Variants in NKAIN3 observed in about 807,000 individuals in gnomAD.
NKAIN3 encodes the protein sodium/potassium transporting ATPase interacting 3, also known as sodium/potassium-transporting ATPase subunit beta-1-interacting protein 3.
In NKAIN3, 25 loss-of-function variants were observed where a neutral mutation model predicts 30.2. The observed-to-expected ratio is 0.83, with a 90% confidence interval of 0.60 to 1.16. The LOEUF is 1.16. Ranked by LOEUF, NKAIN3 falls within the 50% of genes most tolerant of loss-of-function variation. The probability of loss-of-function intolerance (pLI) is 0.00; values close to 1 mark genes in which losing one functional copy is unlikely to be tolerated. For missense variants in NKAIN3, 225 were observed against 254.1 expected (o/e 0.89, Z 0.78); for synonymous variants, 91 against 89.6 (o/e 1.02, Z -0.09).
rs111684515 is a variant in NKAIN3 at position 62,972,853 on chromosome 8, G to A, written c.*7446G>A. Among the ~76,000 whole-genome samples, 14,177 of 148,500 alleles carry A rather than the reference G, an allele frequency of 0.095. 754 individuals are homozygous for A. Among genetic ancestry groups the A allele is most frequent in the South Asian group, 0.14 (660 of 4,552 alleles). ...CCCCCACTCCCCAACAGGCCCTGGTGTGTGATGTTCCCCTCCCTGTGCCCA... is the reference window on the plus strand; with the variant it reads ...CCCCCACTCCCCAACAGGCCCTGGTATGTGATGTTCCCCTCCCTGTGCCCA... On this transcript the variant is annotated 3_prime_UTR_variant, in exon 7 of 7. Transcript: ENST00000623646.
At chr8:62,341,754 A>C (rs1163431610) in intron 1 of NKAIN3, among the ~76,000 whole-genome samples, 1 of 151,918 alleles carries the variant, frequency 6.6e-6, no homozygotes, top group African/African-American at 2.4e-5. Context: ...ATCTCTTGTG[A>C]ATAATTGGCA....
At chr8:62,484,136 A>C in intron 1 of NKAIN3, among the ~76,000 whole-genome samples, 1 of 152,178 alleles carries the variant, frequency 6.6e-6, no homozygotes, top group East Asian at 1.9e-4. Flanking sequence ...CCCTTCCCAC[A>C]GTGGCATTCA....
At chr8:62,913,940 C>A (rs1822001284) in intron 4 of NKAIN3, among the ~76,000 whole-genome samples, 1 of 152,092 alleles carries the variant, frequency 6.6e-6, no homozygotes, top group South Asian at 2.1e-4. Context: ...CGTGGCAATT[C>A]CTCAAAGAGC....
At chr8:62,297,093 GTCT>G (rs1813854014) in intron 1 of NKAIN3, among the ~76,000 whole-genome samples, 1 of 151,988 alleles carries the variant, frequency 6.6e-6, no homozygotes, top group South Asian at 2.1e-4. Context: ...AGACTGCTTG[GTCT>G]TCTTTTATTC....
intron 4 of NKAIN3, among the ~76,000 whole-genome samples, chr8:62,789,733 A>G (rs528294322): frequency 6.6e-6 from 1 of 152,266 alleles, no homozygotes; most frequent in African/African-American, 2.4e-5. Context: ...AAATTCCTGG[A>G]CACATACACT....
At chr8:62,907,844 C>G (rs1260994714) in intron 4 of NKAIN3, among the ~76,000 whole-genome samples, 1 of 152,224 alleles carries the variant, frequency 6.6e-6, no homozygotes, top group Non-Finnish European at 1.5e-5. Context: ...AGAATCTCTG[C>G]TAGTGCAGTG....
At chr8:62,911,478 C>T (rs1247995751) in intron 4 of NKAIN3, among the ~76,000 whole-genome samples, 1 of 152,106 alleles carries the variant, frequency 6.6e-6, no homozygotes, top group Admixed American at 6.6e-5. Flanking sequence ...GGCAAAACAA[C>T]AGAACTCCTC....
At chr8:62,829,340 C>T (rs1417550896) in intron 4 of NKAIN3, among the ~76,000 whole-genome samples, 3 of 152,088 alleles carry the variant, frequency 2.0e-5, no homozygotes, top group African/African-American at 4.8e-5. Context: ...CTTCTGCATC[C>T]TAATGTTTGA....
At chr8:62,592,887 G>GT (rs1409925875) in intron 3 of NKAIN3, among the ~76,000 whole-genome samples, 2 of 151,872 alleles carry the variant, frequency 1.3e-5, no homozygotes, top group East Asian at 3.9e-4. Context: ...CAGGATCAAT[G>GT]TATTAAATAG....
intron 4 of NKAIN3, among the ~76,000 whole-genome samples, chr8:62,794,973 CTT>C (rs1449436589): frequency 6.6e-6 from 1 of 152,124 alleles, no homozygotes; most frequent in Non-Finnish European, 1.5e-5. Context: ...CTTCACACAA[CTT>C]ATTGTGTACC....
intron 4 of NKAIN3, among the ~76,000 whole-genome samples, chr8:62,805,698 C>T (rs1818254761): frequency 6.6e-6 from 1 of 152,102 alleles, no homozygotes; most frequent in Non-Finnish European, 1.5e-5. Flanking sequence ...CCATAAAATC[C>T]CTAGAAGAAA....
At chr8:62,932,812 C>A (rs2130873359) in intron 5 of NKAIN3, among the ~76,000 whole-genome samples, 2 of 152,228 alleles carry the variant, frequency 1.3e-5, no homozygotes, top group South Asian at 4.1e-4. Context: ...AATCATAGCT[C>A]ATGCAGCCTC....
chr8:62,733,554 C>T (rs1425933066), intron 3 of NKAIN3, among the ~76,000 whole-genome samples: 2 of 152,044 alleles, frequency 1.3e-5, no homozygotes, highest in Admixed American at 6.6e-5. Flanking sequence ...CTCTTGACTG[C>T]GTTTTAATAA....
intron 4 of NKAIN3, among the ~76,000 whole-genome samples, chr8:62,908,372 A>G (rs1224085188): frequency 6.6e-6 from 1 of 152,186 alleles, no homozygotes; most frequent in Non-Finnish European, 1.5e-5. Flanking sequence ...TAATGCTGAA[A>G]TGTGTTAAGA....
intron 1 of NKAIN3, among the ~76,000 whole-genome samples, chr8:62,295,246 A>G (rs988412957): frequency 6.6e-6 from 1 of 152,172 alleles, no homozygotes; most frequent in South Asian, 2.1e-4. Context: ...CAAGCAGATT[A>G]TAGTAGACCT....
intron 1 of NKAIN3, among the ~76,000 whole-genome samples, chr8:62,340,967 A>G (rs16928720): frequency 0.039 from 5,961 of 152,126 alleles, 424 homozygotes; most frequent in African/African-American, 0.14. Flanking sequence ...ACCGATTAAT[A>G]GTTGTATTTT....
intron 4 of NKAIN3, among the ~76,000 whole-genome samples, chr8:62,760,412 G>T (rs939589743): frequency 6.6e-6 from 1 of 152,170 alleles, no homozygotes; most frequent in African/African-American, 2.4e-5. Flanking sequence ...TTAAGAAAAT[G>T]TGGCACATAT....
intron 5 of NKAIN3, among the ~76,000 whole-genome samples, chr8:62,929,267 G>A (rs897805319): frequency 6.6e-6 from 1 of 152,184 alleles, no homozygotes; most frequent in African/African-American, 2.4e-5. Context: ...GATTGTCCCA[G>A]AGACTGCATT....
intron 1 of NKAIN3, among the ~76,000 whole-genome samples, chr8:62,511,460 G>A (rs7001634): frequency 0.031 from 4,747 of 152,126 alleles, 284 homozygotes; most frequent in African/African-American, 0.11. Context: ...GTACCCCTCC[G>A]GCTGTTCTCC....
Sources: allele counts gnomAD v4.1 joint callset (sites outside exome capture counted in the v4.1 genomes callset), GRCh38; gene constraint gnomAD v4.1.1; transcripts MANE v1.5; gene names NCBI Gene and HGNC (gene_info 2026-07-23, HGNC 2026-07-21).